The following PCDHGA11 variants were observed in gnomAD, a reference collection of about 807,000 sequenced individuals.
PCDHGA11 encodes the protein protocadherin gamma-A11.
In PCDHGA11, 39 loss-of-function variants were observed where a neutral mutation model predicts 60.4. That is an observed-to-expected ratio of 0.65 (90% CI 0.50 to 0.84). The LOEUF is 0.84. PCDHGA11 is among the 40% of genes least tolerant of loss of function. The pLI, the probability that PCDHGA11 is intolerant of heterozygous loss-of-function variation, is 0.00. For synonymous variants in PCDHGA11, 533 were observed against 510.3 expected (o/e 1.04, Z -0.60); for missense variants, 1,165 against 1,197.7 (o/e 0.97, Z 0.40).
rs186292704 is a variant in PCDHGA11 at position 141,490,783 on chromosome 5, C to T, written c.2434-4024C>T. ...TGTGTATGTCAACCCAGAGGATGGA[C>T]GGATCTTTGCCCAGCGTACCTTTGA... On this transcript the variant is annotated intron_variant, in intron 1 of 3. Transcript: ENST00000398587. The surrounding 1 kb of genome is among the most constrained non-coding windows in gnomAD (Gnocchi z 5.4). The T allele has an allele frequency of 8.1e-6, 13 of 1,614,024 alleles. 1 individual carries two copies. Among genetic ancestry groups the T allele is most frequent in the Middle Eastern group, 3.3e-4 (2 of 6,062 alleles).
chr5:141,481,502 T>G (rs1425241526), intron 1 of PCDHGA11, among the ~76,000 whole-genome samples: 1 of 152,232 alleles, frequency 6.6e-6, no homozygotes, highest in Non-Finnish European at 1.5e-5. Context: ...TTGCATGGTA[T>G]GTGAATTATG....
At chr5:141,427,401 G>A (rs2097022075) in intron 1 of PCDHGA11, 1 of 461,400 alleles carries the variant, frequency 2.2e-6, no homozygotes, top group Non-Finnish European at 4.3e-6. Flanking sequence ...ACATGATAAA[G>A]ATTCGAGAGA....
At chr5:141,428,021 C>A (rs1185050109) in intron 1 of PCDHGA11, 2 of 1,605,604 alleles carry the variant, frequency 1.2e-6, no homozygotes, top group Non-Finnish European at 1.7e-6. Flanking sequence ...TGCCACGCGC[C>A]GCAGAGTCCG....
At chr5:141,451,049 C>T (rs538627151) in intron 1 of PCDHGA11, among the ~76,000 whole-genome samples, 1 of 151,422 alleles carries the variant, frequency 6.6e-6, no homozygotes, top group African/African-American at 2.4e-5. Context: ...AGGCTGGTCT[C>T]GAACTCCTGA....
At position 141,491,265 on chromosome 5, in the gene PCDHGA11, C is replaced by G. The variant is rs868682993; in HGVS notation, c.2434-3542C>G. ...AGGATGAGGACCCTGAGGAAATGCCCAAATCCAGTGACTTCCTCATACACC... is the reference window on the plus strand; with the variant it reads ...AGGATGAGGACCCTGAGGAAATGCCGAAATCCAGTGACTTCCTCATACACC... On this transcript the variant is annotated intron_variant, in intron 1 of 3. Transcript: ENST00000398587. The surrounding 1 kb of genome is among the most constrained non-coding windows in gnomAD (Gnocchi z 6.9). The G allele has an allele frequency of 6.2e-7, 1 of 1,614,074 alleles. No individual in the cohort carries two copies. The highest frequency in any genetic ancestry group is 8.5e-7 in the Non-Finnish European group (1 of 1,179,916).
intron 1 of PCDHGA11, among the ~76,000 whole-genome samples, chr5:141,444,503 T>C (rs2098438734): frequency 6.6e-6 from 1 of 152,088 alleles, no homozygotes; most frequent in Non-Finnish European, 1.5e-5. Flanking sequence ...AATACTTTGC[T>C]CTAGCAGTAT....
chr5:141,475,951 G>A, intron 1 of PCDHGA11: 4 of 766,902 alleles, frequency 5.2e-6, no homozygotes, highest in South Asian at 1.9e-5. Flanking sequence ...CCCTTTCTGC[G>A]CCCCGGGATG....
chr5:141,443,167 C>T (rs745545091), intron 1 of PCDHGA11, among the ~76,000 whole-genome samples: 4 of 152,084 alleles, frequency 2.6e-5, no homozygotes, highest in Non-Finnish European at 5.9e-5. Flanking sequence ...TTTCCCTACC[C>T]ATGTCCACTG....
Position 141,485,048 on chromosome 5 carries a change from C to T in PCDHGA11, c.2434-9759C>T. ...AAACGGCGCGTAACCCTTGCGGCGC[C>T]GGCCGAACCGCGCCAGAGCTGGCGC... On this transcript the variant is annotated intron_variant, in intron 1 of 3. Transcript: ENST00000398587. The surrounding 1 kb of genome is among the most constrained non-coding windows in gnomAD (Gnocchi z 5.7). 1 of 770,392 alleles carries T rather than the reference C, an allele frequency of 1.3e-6. No individual in the cohort carries two copies. Among genetic ancestry groups the T allele is most frequent in the South Asian group, 1.7e-5 (1 of 58,120 alleles). 47.7% of individuals were successfully genotyped at this position (770,392 alleles called of 1,614,324 possible). A position where few individuals can be genotyped will look rare whatever the true frequency, so the allele number is the denominator to read the frequency against.
intron 2 of PCDHGA11, among the ~76,000 whole-genome samples, chr5:141,499,689 C>CTTTTTTT (rs545067566): frequency 3.3e-5 from 4 of 119,856 alleles, no homozygotes; most frequent in Admixed American, 8.7e-5. Context: ...TAACAGATGA[C>CTTTTTTT]TTTTTTTTTT....
chr5:141,451,414 A>G (rs934393544), intron 1 of PCDHGA11, among the ~76,000 whole-genome samples: 2 of 152,108 alleles, frequency 1.3e-5, no homozygotes, highest in African/African-American at 2.4e-5. Flanking sequence ...TTCCTTGTGG[A>G]TTGTTAGACT....
intron 2 of PCDHGA11, among the ~76,000 whole-genome samples, chr5:141,504,713 G>A (rs1443171981): frequency 1.3e-5 from 2 of 151,850 alleles, no homozygotes; most frequent in African/African-American, 2.4e-5. Context: ...TATGGCCGTG[G>A]ATTTTACTCT....
At chr5:141,425,860 A>G (rs1445251215) in intron 1 of PCDHGA11, among the ~76,000 whole-genome samples, 1 of 152,248 alleles carries the variant, frequency 6.6e-6, no homozygotes, top group Non-Finnish European at 1.5e-5. Context: ...TGACTGTTCT[A>G]TAGATTCCCA....
chr5:141,459,302 A>G (rs1401348885), intron 1 of PCDHGA11, among the ~76,000 whole-genome samples: 1 of 152,328 alleles, frequency 6.6e-6, no homozygotes, highest in Admixed American at 6.5e-5. Context: ...CCTATAACAT[A>G]TACTATTTTG....
chr5:141,495,810 C>T (rs1003475681), intron 2 of PCDHGA11, among the ~76,000 whole-genome samples: 1 of 152,088 alleles, frequency 6.6e-6, no homozygotes, highest in Non-Finnish European at 1.5e-5. Context: ...CGTTTCCTAG[C>T]GCCTTGTGTT....
chr5:141,478,903 C>T lies in PCDHGA11; in HGVS notation c.2434-15904C>T. On this transcript the variant is annotated intron_variant, in intron 1 of 3. Transcript: ENST00000398587. Reference sequence around the variant, plus strand: ...TGGTATCATTTACATTAGGAATAAGCTGCTGGATACCTCTAACCAGTGGCA... The same window carrying T: ...TGGTATCATTTACATTAGGAATAAGTTGCTGGATACCTCTAACCAGTGGCA... 4.2e-6 allele frequency: 4 copies of T among 957,824 alleles called. No homozygotes were observed. The South Asian group carries it at 7.3e-5, about 18-fold the overall frequency. 59.3% of individuals were successfully genotyped at this position (957,824 alleles called of 1,614,324 possible). A position where few individuals can be genotyped will look rare whatever the true frequency, so the allele number is the denominator to read the frequency against.
rs1004089667 is a variant in PCDHGA11, at chr5:141,497,399, C to G, written c.2492+2534C>G. The stretch of plus-strand genomic sequence containing the variant: ...TGGGGTGAGCACCTTACCCCTGCCT[C>G]AACTCCCATTCCATCAAATGAGAGG... On this transcript the variant is annotated intron_variant, in intron 2 of 3. Coordinates refer to ENST00000398587, the MANE Select transcript of PCDHGA11 (RefSeq NM_018914.3). Among the ~76,000 whole-genome samples the G allele has an allele frequency of 5.9e-5, 9 of 152,146 alleles. 1 individual carries two copies. The highest frequency in any genetic ancestry group is 1.2e-4 in the Non-Finnish European group (8 of 68,034).
At chr5:141,510,519 C>A (rs182721864) in intron 3 of PCDHGA11, among the ~76,000 whole-genome samples, 1 of 152,260 alleles carries the variant, frequency 6.6e-6, no homozygotes, top group East Asian at 1.9e-4. Context: ...CGTGTCACAG[C>A]CCTGAGAGAA....
At chr5:141,450,676 G>A (rs1174388119) in intron 1 of PCDHGA11, among the ~76,000 whole-genome samples, 5 of 151,796 alleles carry the variant, frequency 3.3e-5, no homozygotes, top group African/African-American at 7.3e-5. Flanking sequence ...TAGTAGAAAC[G>A]GGGTTTTGCC....
Sources: gnomAD v4.1 joint callset for allele counts (sites outside exome capture counted in the v4.1 genomes callset) on GRCh38, gnomAD v4.1.1 for gene constraint, Gnocchi (gnomAD v3.1) non-coding constraint, MANE v1.5 for transcripts, NCBI Gene and HGNC (gene_info 2026-07-23, HGNC 2026-07-21) for gene names.